Variants in ADAMTS6 observed in about 807,000 individuals in gnomAD.
ADAMTS6 encodes the protein ADAM metallopeptidase with thrombospondin type 1 motif 6, also known as A disintegrin and metalloproteinase with thrombospondin motifs 6.
In ADAMTS6, 23 loss-of-function variants were observed where a neutral mutation model predicts 144.3. The ratio of observed to expected loss-of-function variants is 0.16; its 90% CI spans 0.11 to 0.23. The LOEUF is 0.23. ADAMTS6 is among the 10% of genes least tolerant of loss of function. ADAMTS6 has a pLI of 1.00. For missense variants in ADAMTS6, 999 were observed against 1,379.6 expected (o/e 0.72, Z 4.37); for synonymous variants, 444 against 457.5 (o/e 0.97, Z 0.38).
chr5:65,373,095 C>T (rs577645672), intron 7 of ADAMTS6, among the ~76,000 whole-genome samples: 13 of 151,992 alleles, frequency 8.6e-5, no homozygotes, highest in South Asian at 2.1e-4. Flanking sequence ...ATCTCTGGGA[C>T]GTATTCAAAG....
At chr5:65,179,964 A>G (rs1436663480) in intron 22 of ADAMTS6, among the ~76,000 whole-genome samples, 1 of 151,862 alleles carries the variant, frequency 6.6e-6, no homozygotes, top group Non-Finnish European at 1.5e-5. Flanking sequence ...ACGCGCACAC[A>G]CACACACACA....
intron 1 of ADAMTS6, among the ~76,000 whole-genome samples, chr5:65,479,152 A>G (rs1445944): frequency 0.07 from 10,732 of 152,272 alleles, 448 homozygotes; most frequent in African/African-American, 0.1. Context: ...CATGGAAGAA[A>G]CAACAATACC....
intron 6 of ADAMTS6, among the ~76,000 whole-genome samples, 175 bp downstream of exon 6, chr5:65,451,958 C>A (rs992198337): frequency 3.3e-5 from 5 of 152,078 alleles, no homozygotes; most frequent in African/African-American, 7.2e-5. Flanking sequence ...AAGGTATATT[C>A]TTGTAATGTA....
At chr5:65,279,730 A>G (rs1762844213) in intron 11 of ADAMTS6, among the ~76,000 whole-genome samples, 1 of 152,126 alleles carries the variant, frequency 6.6e-6, no homozygotes, top group Admixed American at 6.6e-5. Context: ...TTTAATGTGT[A>G]TCTTTCCTAT....
intron 17 of ADAMTS6, 75 bp downstream of exon 17, chr5:65,224,849 G>A (rs1362141138): frequency 1.4e-6 from 2 of 1,459,888 alleles, no homozygotes; most frequent in Non-Finnish European, 9.1e-7. Context: ...TGAAAAACAG[G>A]GGGAGGCGAA....
intron 7 of ADAMTS6, among the ~76,000 whole-genome samples, chr5:65,391,654 T>C (rs1752924413): frequency 6.6e-6 from 1 of 152,188 alleles, no homozygotes; most frequent in Admixed American, 6.5e-5. Context: ...CAGTTTAGGG[T>C]TAGACATTAT....
chr5:65,266,201 G>A (rs1036116032), intron 12 of ADAMTS6, among the ~76,000 whole-genome samples: 3 of 151,884 alleles, frequency 2.0e-5, no homozygotes, highest in African/African-American at 4.8e-5. Context: ...GTAGGGCAGT[G>A]AGAAAAGTCA....
At chr5:65,182,945 C>T (rs1754454409) in intron 22 of ADAMTS6, among the ~76,000 whole-genome samples, 1 of 152,182 alleles carries the variant, frequency 6.6e-6, no homozygotes, top group Non-Finnish European at 1.5e-5. Context: ...GAATACACTA[C>T]ACCTGAACCC....
chr5:65,412,185 T>C (rs1446294730), intron 7 of ADAMTS6, among the ~76,000 whole-genome samples: 1 of 152,158 alleles, frequency 6.6e-6, no homozygotes, highest in Non-Finnish European at 1.5e-5. Flanking sequence ...ATCCTTAATA[T>C]GTGATATATC....
At chr5:65,318,460 C>A (rs961322273) in intron 9 of ADAMTS6, among the ~76,000 whole-genome samples, 1 of 152,048 alleles carries the variant, frequency 6.6e-6, no homozygotes, top group African/African-American at 2.4e-5. Flanking sequence ...TCCACAGTAG[C>A]CAGTTTGGAA....
chr5:65,437,879 G>A (rs1385881423), intron 7 of ADAMTS6, among the ~76,000 whole-genome samples: 1 of 152,066 alleles, frequency 6.6e-6, no homozygotes, highest in African/African-American at 2.4e-5. Context: ...CTGCAAACAT[G>A]GAACTTGTGA....
At chr5:65,177,054 C>A (rs1220423301) in intron 22 of ADAMTS6, among the ~76,000 whole-genome samples, 1 of 152,104 alleles carries the variant, frequency 6.6e-6, no homozygotes, top group African/African-American at 2.4e-5. Context: ...AAACCAGCAC[C>A]AGCCTGAAGA....
intron 3 of ADAMTS6, 122 bp downstream of exon 3, chr5:65,470,656 A>T: frequency 1.3e-6 from 1 of 760,122 alleles, no homozygotes; most frequent in South Asian, 5.2e-5. Flanking sequence ...ATTTTAAACT[A>T]TTACCTTCCT....
At chr5:65,171,309 A>C (rs1280365085) in intron 23 of ADAMTS6, among the ~76,000 whole-genome samples, 10 of 152,164 alleles carry the variant, frequency 6.6e-5, no homozygotes, top group Admixed American at 6.5e-4. Flanking sequence ...GCGCCTGGCC[A>C]CAATATTAAC....
rs1752028972 is a variant in ADAMTS6, at chr5:65,149,601, A to C, written c.*2235T>G. The stretch of plus-strand genomic sequence containing the variant: ...CACAATGGTAGTTTCCAGGTGAGGT[A>C]AAAAATAGCTTTTAGTCGGTAATAA... On this transcript the variant is annotated 3_prime_UTR_variant, in exon 25 of 25. Transcript: ENST00000381055. 6.6e-6 allele frequency: 1 copy of C among 152,634 alleles called. No individual in the cohort carries two copies. The allele number at this position is 152,634 out of a possible 1,614,324, so 9.5% of individuals were successfully genotyped here.
At chr5:65,307,556 C>T (rs928551643) in intron 9 of ADAMTS6, among the ~76,000 whole-genome samples, 1 of 152,142 alleles carries the variant, frequency 6.6e-6, no homozygotes, top group Non-Finnish European at 1.5e-5. Context: ...CTTTTTTCTG[C>T]CCGTTTGTTC....
intron 1 of ADAMTS6, among the ~76,000 whole-genome samples, chr5:65,479,787 A>G (rs1320703872): frequency 4.6e-5 from 7 of 152,318 alleles, no homozygotes; most frequent in Non-Finnish European, 8.8e-5. Context: ...GGGACCAGAC[A>G]TAAGGAGTAT....
chr5:65,452,329 AC>A (rs1278577785), intron 5 of ADAMTS6, 113 bp from the exon 6 acceptor site: 2 of 795,272 alleles, frequency 2.5e-6, no homozygotes, highest in Non-Finnish European at 4.1e-6. Context: ...TGTATACATT[AC>A]CCCATATCAC....
At chr5:65,421,562 A>G (rs1046506871) in intron 7 of ADAMTS6, among the ~76,000 whole-genome samples, 1 of 152,224 alleles carries the variant, frequency 6.6e-6, no homozygotes, top group Non-Finnish European at 1.5e-5. Flanking sequence ...CAAATCTGGA[A>G]GCATCATATT....
Sources: allele counts gnomAD v4.1 joint callset (sites outside exome capture counted in the v4.1 genomes callset), GRCh38; gene constraint gnomAD v4.1.1; transcripts MANE v1.5; gene names NCBI Gene and HGNC (gene_info 2026-07-23, HGNC 2026-07-21).